PCDHGA6: variants seen among roughly 807,000 people sequenced by gnomAD.
PCDHGA6 encodes the protein protocadherin gamma subfamily A, 6, also known as protocadherin gamma-A6.
In PCDHGA6, 41 loss-of-function variants were observed where a neutral mutation model predicts 60.6. The ratio of observed to expected loss-of-function variants is 0.68; its 90% CI spans 0.53 to 0.88. The LOEUF is 0.88. Among genes scored for constraint, PCDHGA6 ranks in the 40% least tolerant of loss-of-function variants. The pLI is 0.00. For missense variants in PCDHGA6, 1,312 were observed against 1,203.0 expected (o/e 1.09, Z -1.34); for synonymous variants, 594 against 524.4 (o/e 1.13, Z -1.81).
intron 1 of PCDHGA6, chr5:141,408,785 T>C: frequency 6.2e-7 from 1 of 1,612,308 alleles, no homozygotes; most frequent in Non-Finnish European, 8.5e-7. Context: ...CCCAGAGTTA[T>C]CTCTGGAGAA....
At chr5:141,450,919 G>A (rs1489017891) in intron 1 of PCDHGA6, among the ~76,000 whole-genome samples, 2 of 151,024 alleles carry the variant, frequency 1.3e-5, no homozygotes, top group African/African-American at 4.9e-5. Context: ...CTGCCTCCCA[G>A]ATTCAAGCAA....
At chr5:141,478,338 C>T in intron 1 of PCDHGA6, 2 of 1,613,936 alleles carry the variant, frequency 1.2e-6, no homozygotes, top group South Asian at 1.1e-5. Flanking sequence ...CCAGGGCCCT[C>T]CTTGCACGCG....
intron 1 of PCDHGA6, chr5:141,399,446 A>G (rs2093810942): frequency 6.2e-7 from 1 of 1,613,826 alleles, no homozygotes; most frequent in South Asian, 1.1e-5. Flanking sequence ...CATATCAGAG[A>G]CGTCAACGAT....
At chr5:141,414,106 C>G (rs1424739885) in intron 1 of PCDHGA6, 2 of 1,592,536 alleles carry the variant, frequency 1.3e-6, no homozygotes, top group Non-Finnish European at 1.7e-6. Context: ...ATCAGAAAAT[C>G]TAGATTATGA....
intron 1 of PCDHGA6, among the ~76,000 whole-genome samples, chr5:141,455,445 C>T (rs1175054167): frequency 6.6e-6 from 1 of 152,134 alleles, no homozygotes; most frequent in Non-Finnish European, 1.5e-5. Context: ...TCCCCATCTA[C>T]CGCGGATACC....
chr5:141,490,846 G>T lies in PCDHGA6; in HGVS notation c.2425-3961G>T. 1 of 1,613,880 alleles carries T rather than the reference G, an allele frequency of 6.2e-7. No individual in the cohort carries two copies. Among genetic ancestry groups the T allele is most frequent in the Non-Finnish European group, 8.5e-7 (1 of 1,179,906 alleles). ...GCAGATGCTGCAGATTGTGGTGGGG[G>T]TTCGAGACTCCGGCTCTCCCCCATT... On this transcript the variant is annotated intron_variant, in intron 1 of 3. Coordinates refer to ENST00000517434, the MANE Select transcript of PCDHGA6 (RefSeq NM_018919.3). This position sits in a 1 kb window ranked among gnomAD's most constrained non-coding sequence, Gnocchi z 5.4.
chr5:141,383,838 C>T, intron 1 of PCDHGA6: 1 of 1,613,892 alleles, frequency 6.2e-7, no homozygotes, highest in East Asian at 2.2e-5. Flanking sequence ...AAGAAACTGC[C>T]TTCTATGAAA....
intron 1 of PCDHGA6, chr5:141,422,303 A>AAAAC: frequency 6.5e-7 from 1 of 1,548,740 alleles, no homozygotes; most frequent in Non-Finnish European, 8.7e-7. Flanking sequence ...TCAATTCTGG[A>AAAAC]AAACTCTCCT....
chr5:141,438,627 TATATATATACACAC>T (rs1407400493), intron 1 of PCDHGA6, among the ~76,000 whole-genome samples: 2,053 of 47,724 alleles, frequency 0.043, 22 homozygotes, highest in African/African-American at 0.13. Context: ...TATATATATA[TATATATATACACAC>T]ACACACACAC....
chr5:141,398,787 A>G, intron 1 of PCDHGA6: 2 of 1,613,902 alleles, frequency 1.2e-6, no homozygotes, highest in Non-Finnish European at 1.7e-6. Flanking sequence ...GTGGACATCC[A>G]CCCCTAAGCG....
intron 1 of PCDHGA6, chr5:141,399,180 G>T (rs1454578078): frequency 3.7e-6 from 6 of 1,613,798 alleles, no homozygotes; most frequent in Admixed American, 1.7e-5. Flanking sequence ...TACTTGAAAT[G>T]ATTCTGGAAA....
chr5:141,505,633 A>C, intron 3 of PCDHGA6, 152 bp downstream of exon 3: 3 of 1,471,286 alleles, frequency 2.0e-6, no homozygotes, highest in South Asian at 1.3e-5. Context: ...TCCAAACATA[A>C]AGCCTGGAAT....
intron 1 of PCDHGA6, among the ~76,000 whole-genome samples, chr5:141,470,598 G>A (rs2099234276): frequency 6.6e-6 from 1 of 152,184 alleles, no homozygotes; most frequent in Admixed American, 6.5e-5. Flanking sequence ...GGCGACCTGT[G>A]CGGGGACACA....
At chr5:141,492,727 G>A (rs2099743408) in intron 1 of PCDHGA6, among the ~76,000 whole-genome samples, 1 of 152,274 alleles carries the variant, frequency 6.6e-6, no homozygotes, top group South Asian at 2.1e-4. Flanking sequence ...GACAGGCAGA[G>A]CTGCCCAGTG....
chr5:141,398,018 A>G, intron 1 of PCDHGA6: 1 of 1,425,774 alleles, frequency 7.0e-7, no homozygotes, highest in East Asian at 2.5e-5. Flanking sequence ...TCGTTTCCTA[A>G]ACTGGAACTG....
chr5:141,406,600 G>A (rs1172246444), intron 1 of PCDHGA6, among the ~76,000 whole-genome samples: 2 of 152,144 alleles, frequency 1.3e-5, no homozygotes, highest in African/African-American at 4.8e-5. Flanking sequence ...AATGGTGAAA[G>A]TTGTCACATC....
At chr5:141,407,889 G>T (rs1378600394) in intron 1 of PCDHGA6, 1 of 389,100 alleles carries the variant, frequency 2.6e-6, no homozygotes, top group Non-Finnish European at 4.6e-6. Context: ...TTCGGAGACC[G>T]AATTCAAAAT....
intron 1 of PCDHGA6, among the ~76,000 whole-genome samples, chr5:141,453,673 AC>A (rs1459216908): frequency 6.6e-6 from 1 of 152,230 alleles, no homozygotes; most frequent in African/African-American, 2.4e-5. Flanking sequence ...ACAAAAGGTA[AC>A]ACACTATGTA....
chr5:141,415,579 A>G, intron 1 of PCDHGA6: 1 of 1,614,072 alleles, frequency 6.2e-7, no homozygotes, highest in East Asian at 2.2e-5. Flanking sequence ...AGATGATTCG[A>G]AGTTTCCTAT....
Sources: gnomAD v4.1 joint callset for allele counts (sites outside exome capture counted in the v4.1 genomes callset) on GRCh38, gnomAD v4.1.1 for gene constraint, Gnocchi (gnomAD v3.1) non-coding constraint, MANE v1.5 for transcripts, NCBI Gene and HGNC (gene_info 2026-07-23, HGNC 2026-07-21) for gene names.